The following MDN1 variants were observed in gnomAD, a reference collection of about 807,000 sequenced individuals.
MDN1 encodes midasin AAA ATPase 1.
Under a neutral mutation model 669.2 loss-of-function variants are expected in MDN1, and 266 were observed. That is an observed-to-expected ratio of 0.40 (90% CI 0.36 to 0.44). The LOEUF (loss-of-function observed/expected upper bound fraction) is 0.44. MDN1 is among the 20% of genes least tolerant of loss of function. The pLI, the probability that MDN1 is intolerant of heterozygous loss-of-function variation, is 1.00. For missense variants in MDN1, 5,940 were observed against 6,754.0 expected, an observed-to-expected ratio of 0.88 and a Z score of 4.22; for synonymous variants, 2,385 against 2,457.1, an observed-to-expected ratio of 0.97 and a Z score of 0.87.
At chr6:89,780,125 T>A in intron 11 of MDN1, 87 bp downstream of exon 11, 3 of 701,984 alleles carry the variant, frequency 4.3e-6, no homozygotes, top group Non-Finnish European at 4.6e-6. Context: ...GAAAAAAGTC[T>A]GATGGCAATC....
At chr6:89,810,057 T>G (rs1768304179) in intron 1 of MDN1, among the ~76,000 whole-genome samples, 1 of 135,722 alleles carries the variant, frequency 7.4e-6, no homozygotes, top group Non-Finnish European at 1.6e-5. Context: ...ATCAAAATAT[T>G]AATATGGGCA....
intron 55 of MDN1, 112 bp from the exon 56 acceptor site, chr6:89,700,968 A>G: frequency 2.2e-6 from 2 of 928,892 alleles, no homozygotes; most frequent in African/African-American, 3.4e-5. Flanking sequence ...GTTTCCAGAA[A>G]ACAAAGGACT....
intron 7 of MDN1, 44 bp downstream of exon 7, chr6:89,789,736 A>G (rs949135284): frequency 6.5e-7 from 1 of 1,540,126 alleles, no homozygotes; most frequent in African/African-American, 1.4e-5. Context: ...TTTCCAAGAC[A>G]GGAAAATATA....
intron 100 of MDN1, 77 bp downstream of exon 100, chr6:89,646,463 T>C (rs1047323280): frequency 8.1e-7 from 1 of 1,238,020 alleles, no homozygotes; most frequent in Non-Finnish European, 1.2e-6. Context: ...ACGGGGACAC[T>C]GAGCTGAAGC....
chr6:89,651,366 G>A (rs979256413), intron 95 of MDN1, among the ~76,000 whole-genome samples: 5 of 144,624 alleles, frequency 3.5e-5, no homozygotes, highest in African/African-American at 7.8e-5. Context: ...AAGTTGGCCC[G>A]TAATCAGCAC....
intron 52 of MDN1, among the ~76,000 whole-genome samples, chr6:89,707,118 G>A (rs1406381059): frequency 6.6e-6 from 1 of 152,142 alleles, no homozygotes; most frequent in Non-Finnish European, 1.5e-5. Flanking sequence ...CTATATCACA[G>A]GTGGCTACAA....
intron 2 of MDN1, among the ~76,000 whole-genome samples, chr6:89,801,795 G>GA (rs541668209): frequency 2.0e-3 from 262 of 129,200 alleles, no homozygotes; most frequent in Middle Eastern, 8.7e-3. Context: ...CCCTGTCTCA[G>GA]AAAAAAAAAA....
At chr6:89,697,533 T>C (rs773865721) in intron 59 of MDN1, among the ~76,000 whole-genome samples, 17 of 151,262 alleles carry the variant, frequency 1.1e-4, no homozygotes, top group Non-Finnish European at 1.9e-4. Flanking sequence ...AGGCTTAATA[T>C]CCATAATACA....
chr6:89,736,909 C>T (rs2128316219), intron 33 of MDN1, among the ~76,000 whole-genome samples: 1 of 152,292 alleles, frequency 6.6e-6, no homozygotes, highest in East Asian at 1.9e-4. Context: ...GGCTCTGAGC[C>T]TGGGCCTTAG....
At chr6:89,647,198 A>G (rs963916840) in intron 99 of MDN1, among the ~76,000 whole-genome samples, 1 of 152,218 alleles carries the variant, frequency 6.6e-6, no homozygotes, top group Non-Finnish European at 1.5e-5. Context: ...TAAGAAATCA[A>G]TACTCCCTCA....
In MDN1 at chr6:89,729,023, CCTCCAGGAGAATG is replaced by C; in HGVS notation, c.5244_5256del (p.Ile1749ValfsTer14). ...CTTGTCTTGCCAACACCAGGGGAAC[CCTCCAGGAGAATG>C]GGCTTCTTCAGTTTGGTAGCTCTTA... On this transcript the variant is annotated frameshift_variant, in exon 36 of 102. Transcript: ENST00000369393. LOFTEE classifies it high-confidence loss of function. 6.2e-7 allele frequency: 1 copy of C among 1,614,098 alleles called. No homozygotes were observed. The highest frequency in any genetic ancestry group is 8.5e-7 in the Non-Finnish European group (1 of 1,180,000).
At chr6:89,816,929 C>T (rs1768880733) in intron 1 of MDN1, among the ~76,000 whole-genome samples, 1 of 151,794 alleles carries the variant, frequency 6.6e-6, no homozygotes, top group Non-Finnish European at 1.5e-5. Context: ...CCGCCTCAGC[C>T]TCCCAAAGTG....
intron 75 of MDN1, 57 bp from the exon 76 acceptor site, chr6:89,677,753 C>A: frequency 6.2e-7 from 1 of 1,607,938 alleles, no homozygotes; most frequent in South Asian, 1.1e-5. Context: ...ATGGATGTGC[C>A]CCCCTCTCCC....
chr6:89,663,941 T>TA (rs10716065), intron 85 of MDN1, among the ~76,000 whole-genome samples: 18,930 of 140,840 alleles, frequency 0.13, 1,593 homozygotes, highest in Non-Finnish European at 0.19. Flanking sequence ...GACTCCGTCT[T>TA]AAAAAAAAAA....
chr6:89,673,606 G>T, intron 79 of MDN1, 144 bp from the exon 80 acceptor site: 1 of 677,572 alleles, frequency 1.5e-6, no homozygotes, highest in Non-Finnish European at 2.5e-6. Flanking sequence ...ACAAAGTGCT[G>T]TGCAGGTCCA....
rs767186170 is a variant in MDN1 at position 89,716,768 on chromosome 6, T to C, written c.6625A>G (p.Lys2209Glu). ...TGGCCACTGGCCAACTGCGTAAGCTTCACACCAAAGCTTCGGAACTCTTCA... is the reference window on the plus strand; with the variant it reads ...TGGCCACTGGCCAACTGCGTAAGCTCCACACCAAAGCTTCGGAACTCTTCA... ...LVEEFRSFGV[K>E]LTQLASGHSH... Residue 2209 changes from lysine to glutamate, a missense_variant, in exon 44 of 102, where the codon AAG (lysine) becomes GAG (glutamate). Around this residue, in one of 5 missense-constraint regions of MDN1, gnomAD observed 2,292 missense variants for 2,638.3 expected, o/e 0.87. Coordinates refer to ENST00000369393, the MANE Select transcript of MDN1 (RefSeq NM_014611.3). 1.2e-6 allele frequency: 2 copies of C among 1,613,054 alleles called. No individual in the cohort carries two copies. The highest frequency in any genetic ancestry group is 1.7e-6 in the Non-Finnish European group (2 of 1,179,660).
chr6:89,690,471 T>C (rs779732739), intron 64 of MDN1, among the ~76,000 whole-genome samples: 8 of 151,798 alleles, frequency 5.3e-5, no homozygotes, highest in East Asian at 1.9e-4. Context: ...CTTGGGAGGA[T>C]TGTTTGAGCC....
At chr6:89,738,121 GATGAAAAT>G (rs1816095286) in intron 33 of MDN1, among the ~76,000 whole-genome samples, 197 bp downstream of exon 33, 1 of 152,190 alleles carries the variant, frequency 6.6e-6, no homozygotes, top group African/African-American at 2.4e-5. Flanking sequence ...AAGTGGTAAT[GATGAAAAT>G]ATGAAGATGG....
chr6:89,794,571 A>G lies in MDN1; in HGVS notation c.554+6T>C, dbSNP rs1231588070. 6.2e-7 allele frequency: 1 copy of G among 1,612,452 alleles called. No homozygotes were observed. Among genetic ancestry groups the G allele is most frequent in the East Asian group, 2.2e-5 (1 of 44,884 alleles). On this transcript the variant is annotated splice_donor_region_variant and intron_variant, in intron 3 of 101. Transcript: ENST00000369393. Reference sequence around the variant, plus strand: ...AGAAGTGCAAAAAAGTCTAACAGCTACGCACCAGCGAACCAAGGTGTCATG... The same window carrying G: ...AGAAGTGCAAAAAAGTCTAACAGCTGCGCACCAGCGAACCAAGGTGTCATG...
Sources: allele counts gnomAD v4.1 joint callset (sites outside exome capture counted in the v4.1 genomes callset), GRCh38; gene constraint gnomAD v4.1.1; regional missense constraint gnomAD v4.1.1; transcripts MANE v1.5; gene names NCBI Gene and HGNC (gene_info 2026-07-23, HGNC 2026-07-21).